Variants in SYT16 observed in about 807,000 individuals in gnomAD.
SYT16 encodes the protein synaptotagmin 16.
SYT16 carries 42 observed loss-of-function variants against 61.4 expected under a neutral mutation model. The ratio of observed to expected loss-of-function variants is 0.68; its 90% CI spans 0.53 to 0.89. SYT16 has a LOEUF of 0.89. Among genes scored for constraint, SYT16 ranks in the 40% least tolerant of loss-of-function variants. The pLI is 0.00. For missense variants in SYT16, 804 were observed against 807.3 expected (o/e 1.00, Z 0.05); for synonymous variants, 314 against 302.3 (o/e 1.04, Z -0.40).
intron 1 of SYT16, among the ~76,000 whole-genome samples, chr14:61,936,612 G>C (rs2049992410): frequency 6.6e-6 from 1 of 152,144 alleles, no homozygotes; most frequent in Non-Finnish European, 1.5e-5. Context: ...TGATGTTGCT[G>C]CACCTCCTCT....
chr14:61,931,371 T>G (rs1178036648), intron 1 of SYT16, among the ~76,000 whole-genome samples: 2 of 152,238 alleles, frequency 1.3e-5, no homozygotes, highest in East Asian at 3.8e-4. Flanking sequence ...TTTCTTTTTT[T>G]TAAAAATATT....
At chr14:61,818,213 G>A (rs576431533) in intron 1 of SYT16, among the ~76,000 whole-genome samples, 7 of 152,278 alleles carry the variant, frequency 4.6e-5, no homozygotes, top group South Asian at 4.1e-4. Flanking sequence ...TTTAATGAGC[G>A]TTGGTATTTC....
At chr14:61,951,397 G>A (rs2050664061) in intron 1 of SYT16, among the ~76,000 whole-genome samples, 1 of 152,110 alleles carries the variant, frequency 6.6e-6, no homozygotes, top group African/African-American at 2.4e-5. Flanking sequence ...GCAAGAAAAT[G>A]GTTTGTCTTT....
chr14:62,078,440 G>A (rs1271842873), intron 5 of SYT16, among the ~76,000 whole-genome samples: 5 of 152,018 alleles, frequency 3.3e-5, no homozygotes, highest in African/African-American at 1.2e-4. Flanking sequence ...ATAAAATGAA[G>A]ATATTAAAAT....
intron 3 of SYT16, among the ~76,000 whole-genome samples, chr14:62,058,776 C>G (rs1228389414): frequency 6.6e-6 from 1 of 152,072 alleles, no homozygotes; most frequent in Non-Finnish European, 1.5e-5. Flanking sequence ...TTGATATGTT[C>G]AGGTTTTTAA....
intron 1 of SYT16, among the ~76,000 whole-genome samples, chr14:61,967,037 T>G (rs1366075301): frequency 6.6e-6 from 1 of 152,200 alleles, no homozygotes; most frequent in Non-Finnish European, 1.5e-5. Flanking sequence ...TGTCAAGGGC[T>G]TGGTAGGTGG....
chr14:61,894,619 A>C (rs148474818), intron 1 of SYT16, among the ~76,000 whole-genome samples: 1 of 152,104 alleles, frequency 6.6e-6, no homozygotes, highest in African/African-American at 2.4e-5. Flanking sequence ...GGGCACCCTC[A>C]TTTCAGATTG....
In SYT16 at chr14:62,075,467, C is replaced by CT; in HGVS notation, c.993+77dup. ...CTTTCCACTCTCCTTTCTCATCTCT[C>CT]TAAAAAAAAAAAAAAATTCCAGAAA... On this transcript the variant is annotated intron_variant, in intron 5 of 7. Transcript: ENST00000683842. The CT allele has an allele frequency of 2.4e-6, 3 of 1,230,788 alleles. No individual in the cohort carries two copies. In the South Asian group the frequency reaches 7.2e-5, roughly 29 times the overall value. The allele number at this position is 1,230,788 out of a possible 1,614,324, so 76.2% of individuals were successfully genotyped here. A position where few individuals can be genotyped will look rare whatever the true frequency, so the allele number is the denominator to read the frequency against.
Position 62,045,355 on chromosome 14 carries a change from T to C in SYT16, c.524-24248T>C, listed in dbSNP as rs1294293536. 5.9e-5 allele frequency among the ~76,000 whole-genome samples: 9 copies of C among 152,262 alleles called. No individual in the cohort carries two copies. The East Asian group carries it at 1.7e-3, about 29-fold the overall frequency. On this transcript the variant is annotated intron_variant, in intron 3 of 7. Coordinates refer to ENST00000683842, the MANE Select transcript of SYT16 (RefSeq NM_001367656.1). ...TCTTTGAAGGTTGGACAAAGGTGTA[T>C]AAAAGCATCGGGGTATGTTAAGTCT...
intron 1 of SYT16, among the ~76,000 whole-genome samples, chr14:61,967,049 A>G (rs142452980): frequency 3.2e-4 from 49 of 152,340 alleles, no homozygotes; most frequent in Non-Finnish European, 6.0e-4. Flanking sequence ...GGTAGGTGGC[A>G]ACACACTGTA....
intron 1 of SYT16, among the ~76,000 whole-genome samples, chr14:61,874,302 A>G (rs1458759403): frequency 6.6e-6 from 1 of 151,918 alleles, no homozygotes; most frequent in Non-Finnish European, 1.5e-5. Flanking sequence ...GTGTGGATCC[A>G]CTCACATGTG....
intron 3 of SYT16, among the ~76,000 whole-genome samples, chr14:62,049,482 G>A (rs2055168361): frequency 6.6e-6 from 1 of 152,126 alleles, no homozygotes; most frequent in Non-Finnish European, 1.5e-5. Context: ...TTACATTTAA[G>A]GTTAATATTG....
At chr14:62,095,750 TG>T (rs1423885599) in intron 7 of SYT16, among the ~76,000 whole-genome samples, 1 of 152,066 alleles carries the variant, frequency 6.6e-6, no homozygotes, top group African/African-American at 2.4e-5. Flanking sequence ...TGTTTTAGTT[TG>T]TTTTTTTATC....
At chr14:61,834,078 T>TTTTA (rs2046042479) in intron 1 of SYT16, among the ~76,000 whole-genome samples, 1 of 151,862 alleles carries the variant, frequency 6.6e-6, no homozygotes, top group Admixed American at 6.6e-5. Context: ...GTGTTTTTAG[T>TTTTA]GGGAAGGATG....
intron 3 of SYT16, among the ~76,000 whole-genome samples, chr14:62,059,168 C>A (rs1458214130): frequency 1.3e-5 from 2 of 152,030 alleles, no homozygotes; most frequent in Non-Finnish European, 1.5e-5. Context: ...AAAAAAACCC[C>A]CATGACGCAA....
chr14:62,097,396 A>T (rs961926100), intron 7 of SYT16, among the ~76,000 whole-genome samples: 4 of 152,212 alleles, frequency 2.6e-5, no homozygotes, highest in Non-Finnish European at 2.9e-5. Context: ...TCCAAAGATT[A>T]AAACACAGCT....
At chr14:61,871,454 A>G (rs533791442) in intron 1 of SYT16, among the ~76,000 whole-genome samples, 2 of 152,190 alleles carry the variant, frequency 1.3e-5, no homozygotes, top group Admixed American at 6.5e-5. Flanking sequence ...CCCTGCTTCT[A>G]TTCAACTCAG....
At chr14:61,898,405 G>T (rs1455422770) in intron 1 of SYT16, among the ~76,000 whole-genome samples, 2 of 152,316 alleles carry the variant, frequency 1.3e-5, no homozygotes, top group African/African-American at 4.8e-5. Flanking sequence ...GAGCGTTGGG[G>T]TTGTGGGAGT....
chr14:61,930,336 C>T (rs2049714253), intron 1 of SYT16, among the ~76,000 whole-genome samples: 1 of 151,990 alleles, frequency 6.6e-6, no homozygotes, highest in African/African-American at 2.4e-5. Flanking sequence ...GCATGTGTAT[C>T]ACATTATCTC....
Sources: allele counts gnomAD v4.1 joint callset (sites outside exome capture counted in the v4.1 genomes callset), GRCh38; gene constraint gnomAD v4.1.1; transcripts MANE v1.5; gene names NCBI Gene and HGNC (gene_info 2026-07-23, HGNC 2026-07-21).